ATP8A1: variants seen among roughly 807,000 people sequenced by gnomAD.
ATP8A1 encodes ATPase phospholipid transporting 8A1.
A neutral mutation model predicts 177.7 loss-of-function variants in ATP8A1; 90 were observed. The observed-to-expected ratio is 0.51, with a 90% CI of 0.43 to 0.60. The LOEUF is 0.60. Ranked by LOEUF, ATP8A1 falls within the 20% of genes least tolerant of loss-of-function variation. ATP8A1 has a pLI of 0.00. For missense variants in ATP8A1, 1,072 were observed against 1,392.8 expected (o/e 0.77, Z 3.67); for synonymous variants, 493 against 485.9 (o/e 1.01, Z -0.19).
intron 24 of ATP8A1, among the ~76,000 whole-genome samples, chr4:42,496,038 A>G (rs115319683): frequency 0.013 from 1,941 of 152,304 alleles, 46 homozygotes; most frequent in African/African-American, 0.044. Context: ...AGGAAGAGGA[A>G]GTTGTAGTGC....
chr4:42,653,294 C>G lies in ATP8A1; in HGVS notation c.49+3531G>C, dbSNP rs373121609. Among the ~76,000 whole-genome samples, 52 of 151,762 alleles carry G rather than the reference C, an allele frequency of 3.4e-4. No individual in the cohort carries two copies. In the East Asian group the frequency reaches 5.0e-3, roughly 15 times the overall value. ...ACATTTTGCTTTCTCTTCATTTTCC[C>G]CATTTGCCACACAACAAATTCTATA... On this transcript the variant is annotated intron_variant, in intron 1 of 36. Coordinates refer to ENST00000381668, the MANE Select transcript of ATP8A1 (RefSeq NM_006095.2).
At chr4:42,599,046 T>A (rs1345055224) in intron 6 of ATP8A1, among the ~76,000 whole-genome samples, 1 of 152,128 alleles carries the variant, frequency 6.6e-6, no homozygotes, top group Non-Finnish European at 1.5e-5. Flanking sequence ...CTGTCAAAAA[T>A]AGGAAAAGTA....
chr4:42,536,399 T>G (rs1727831462), intron 20 of ATP8A1, among the ~76,000 whole-genome samples: 1 of 152,072 alleles, frequency 6.6e-6, no homozygotes, highest in African/African-American at 2.4e-5. Context: ...CCCTCCTAGA[T>G]TAAACCAGGA....
chr4:42,547,504 C>T (rs1317530278), intron 19 of ATP8A1, among the ~76,000 whole-genome samples: 1 of 152,168 alleles, frequency 6.6e-6, no homozygotes, highest in Non-Finnish European at 1.5e-5. Flanking sequence ...CTTCATGGCA[C>T]TCATCACCTA....
In ATP8A1 at chr4:42,597,445, T is replaced by C. The variant is rs536725710; in HGVS notation, c.450+3033A>G. On this transcript the variant is annotated intron_variant, in intron 6 of 36. Coordinates refer to ENST00000381668, the MANE Select transcript of ATP8A1 (RefSeq NM_006095.2). ...CTATTTTTTTTCACCTATGATTATATCTTATGATACAGGAACCCTTACTTG... is the reference window on the plus strand; with the variant it reads ...CTATTTTTTTTCACCTATGATTATACCTTATGATACAGGAACCCTTACTTG... 3.3e-5 allele frequency among the ~76,000 whole-genome samples: 5 copies of C among 152,312 alleles called. No homozygotes were observed. In the South Asian group the frequency reaches 1.0e-3, roughly 32 times the overall value.
intron 5 of ATP8A1, among the ~76,000 whole-genome samples, chr4:42,608,265 A>G (rs2109424006): frequency 1.1e-5 from 1 of 87,440 alleles, no homozygotes; most frequent in East Asian, 3.2e-4. Context: ...TCTCTGAGAG[A>G]AGCACGCCTC....
At chr4:42,594,968 T>C (rs1192170858) in intron 6 of ATP8A1, among the ~76,000 whole-genome samples, 1 of 152,190 alleles carries the variant, frequency 6.6e-6, no homozygotes, top group African/African-American at 2.4e-5. Context: ...TTAGCATTTT[T>C]CTGAGCCTGG....
intron 4 of ATP8A1, among the ~76,000 whole-genome samples, chr4:42,623,238 C>T (rs1452210706): frequency 6.6e-6 from 1 of 152,174 alleles, no homozygotes; most frequent in Non-Finnish European, 1.5e-5. Context: ...CATTTATACA[C>T]TGTTGGTGGG....
At chr4:42,644,024 AC>A (rs773302502) in intron 1 of ATP8A1, among the ~76,000 whole-genome samples, 1 of 152,234 alleles carries the variant, frequency 6.6e-6, no homozygotes, top group Admixed American at 6.5e-5. Flanking sequence ...TACTGAGCAG[AC>A]CAAAAACACA....
In ATP8A1 at chr4:42,553,714, ACATGGTCCCTGC is replaced by A. The variant is rs1729747199; in HGVS notation, c.1414-1116_1414-1105del. ...CAAGCTAGAACAGTGGACTAAACAG[ACATGGTCCCTGC>A]CATGTGAAGCTTGGCGTTGTGGGGA... On this transcript the variant is annotated intron_variant, in intron 16 of 36. Coordinates refer to ENST00000381668, the MANE Select transcript of ATP8A1 (RefSeq NM_006095.2). Among the ~76,000 whole-genome samples, 2 of 152,198 alleles carry A rather than the reference ACATGGTCCCTGC, an allele frequency of 1.3e-5. 1 individual carries two copies. Among genetic ancestry groups the A allele is most frequent in the South Asian group, 4.1e-4 (2 of 4,830 alleles).
intron 4 of ATP8A1, among the ~76,000 whole-genome samples, chr4:42,618,939 G>A (rs1480168623): frequency 1.3e-5 from 2 of 152,134 alleles, no homozygotes; most frequent in Non-Finnish European, 2.9e-5. Flanking sequence ...TAAGCCAAAA[G>A]GATCTCTAGA....
intron 12 of ATP8A1, among the ~76,000 whole-genome samples, chr4:42,576,487 A>AAAAAAAAAAT (rs1401362595): frequency 1.4e-5 from 2 of 147,300 alleles, no homozygotes; most frequent in Non-Finnish European, 3.0e-5. Context: ...AAAAAAAAAA[A>AAAAAAAAAAT]AAAAAAAAAA....
chr4:42,561,697 C>T (rs1244833568), intron 15 of ATP8A1: 2 of 152,392 alleles, frequency 1.3e-5, no homozygotes, highest in East Asian at 1.9e-4. Flanking sequence ...GCACCACCAG[C>T]TCATCTCAAC....
In ATP8A1 at chr4:42,522,193, G is replaced by C. The variant is rs1726197894; in HGVS notation, c.1914C>G (p.Leu638=). 4.3e-6 allele frequency: 7 copies of C among 1,612,740 alleles called. No individual in the cohort carries two copies. Among genetic ancestry groups the C allele is most frequent in the Non-Finnish European group, 5.9e-6 (7 of 1,179,700 alleles). ...RASTSVQNRL[L]KLEESYELIE... ...TCAACTCATAACTCTCTTCGAGTTTGAGTAGCCTGTTCTGCACAGATGTAG... is the reference window on the plus strand; with the variant it reads ...TCAACTCATAACTCTCTTCGAGTTTCAGTAGCCTGTTCTGCACAGATGTAG... The change falls in exon 22 of 37, where the codon CTC becomes CTG. Residue 638 remains leucine (L), a synonymous_variant. Coordinates refer to ENST00000381668, the MANE Select transcript of ATP8A1 (RefSeq NM_006095.2).
chr4:42,601,391 AG>A (rs1157396874), intron 5 of ATP8A1, among the ~76,000 whole-genome samples: 1 of 103,558 alleles, frequency 9.7e-6, no homozygotes, highest in Non-Finnish European at 2.4e-5. Flanking sequence ...AAAAGGCAGA[AG>A]AAGAGGCTAC....
chr4:42,488,559 A>G (rs914034848), intron 24 of ATP8A1, among the ~76,000 whole-genome samples: 2 of 152,208 alleles, frequency 1.3e-5, no homozygotes, highest in Admixed American at 6.5e-5. Context: ...AAACAAATTT[A>G]AAACACAAAT....
intron 30 of ATP8A1, among the ~76,000 whole-genome samples, chr4:42,448,194 G>A (rs1296510921): frequency 6.6e-6 from 1 of 152,012 alleles, no homozygotes; most frequent in Non-Finnish European, 1.5e-5. Context: ...TATTGTTTGG[G>A]TTTTCACAAT....
chr4:42,581,755 T>C (rs754664293), intron 9 of ATP8A1, 23 bp from the exon 10 acceptor site: 13 of 1,552,512 alleles, frequency 8.4e-6, no homozygotes, highest in Non-Finnish European at 1.1e-5. Flanking sequence ...ACGTTGACAT[T>C]AGAAACAGTA....
At chr4:42,454,682 G>C (rs527271822) in intron 29 of ATP8A1, among the ~76,000 whole-genome samples, 1 of 152,140 alleles carries the variant, frequency 6.6e-6, no homozygotes, top group South Asian at 2.1e-4. Flanking sequence ...GTGTGTGTCT[G>C]GGATAAATAC....
Sources: gnomAD v4.1 joint callset for allele counts (sites outside exome capture counted in the v4.1 genomes callset) on GRCh38, gnomAD v4.1.1 for gene constraint, MANE v1.5 for transcripts, NCBI Gene and HGNC (gene_info 2026-07-23, HGNC 2026-07-21) for gene names.